AGBL5: variants seen among roughly 807,000 people sequenced by gnomAD.
AGBL5 encodes cytosolic carboxypeptidase-like protein 5.
Under a neutral mutation model 88.0 loss-of-function variants are expected in AGBL5, and 51 were observed. The observed-to-expected ratio is 0.58, with a 90% CI of 0.46 to 0.73. The LOEUF (loss-of-function observed/expected upper bound fraction) is 0.73. Among genes scored for constraint, AGBL5 ranks in the 30% least tolerant of loss-of-function variants. The pLI is 0.00. For missense variants in AGBL5, 1,031 were observed against 1,162.2 expected, an observed-to-expected ratio of 0.89 and a Z score of 1.64; for synonymous variants, 446 against 438.8, an observed-to-expected ratio of 1.02 and a Z score of -0.21.
chr2:27,058,633 G>A, intron 10 of AGBL5, 31 bp downstream of exon 10: 1 of 1,608,942 alleles, frequency 6.2e-7, no homozygotes, highest in African/African-American at 1.3e-5. Context: ...GGGAGAAAGG[G>A]TAGGACAGTG....
intron 6 of AGBL5, 100 bp downstream of exon 6, chr2:27,055,353 C>A: frequency 1.4e-6 from 2 of 1,427,678 alleles, no homozygotes; most frequent in Non-Finnish European, 1.9e-6. Context: ...TGTTCCCAGT[C>A]CTCTTGCACC....
chr2:27,069,653 C>T lies in AGBL5; in HGVS notation c.2436C>T (p.Pro812=). ...CTTCAGGCCCCACATCCCCTACCCC[C>T]CGGACCAGGGAGAGCAGTGAGCTGG... ...KGSSGPTSPT[P]RTRESSELEL... Residue 812 remains proline, a synonymous_variant, in exon 14 of 15, where the codon CCC becomes CCT. Transcript: ENST00000360131. 2.5e-6 allele frequency: 4 copies of T among 1,614,192 alleles called. No homozygotes were observed. Among genetic ancestry groups the T allele is most frequent in the Non-Finnish European group, 3.4e-6 (4 of 1,180,020 alleles).
intron 7 of AGBL5, 89 bp from the exon 8 acceptor site, chr2:27,056,534 T>G: frequency 1.7e-6 from 2 of 1,202,410 alleles, no homozygotes; most frequent in Non-Finnish European, 2.3e-6. Flanking sequence ...TGCTGTGTAT[T>G]AAGTCACATG....
chr2:27,051,031 G>A (rs1668086167), upstream of AGBL5: 1 of 152,258 alleles, frequency 6.6e-6, no homozygotes, highest in Non-Finnish European at 1.5e-5. Flanking sequence ...TGTACATGTG[G>A]TAACGTGTTT....
chr2:27,069,128 C>T lies in AGBL5; in HGVS notation c.2355+384C>T, dbSNP rs148735605. ...TTTGGTTGCTGCTGCTAGGAACAGC[C>T]CTGCCACCAACTCCGATTCAGTCCA... On this transcript the variant is annotated intron_variant, in intron 13 of 14. Coordinates refer to ENST00000360131, the MANE Select transcript of AGBL5 (RefSeq NM_021831.6). 373 of 1,338,978 alleles carry T rather than the reference C, an allele frequency of 2.8e-4. 3 individuals are homozygous for T. In the African/African-American group the frequency reaches 4.9e-3, roughly 17 times the overall value. The allele number at this position is 1,338,978 out of a possible 1,614,324, so 82.9% of individuals were successfully genotyped here.
intron 11 of AGBL5, among the ~76,000 whole-genome samples, chr2:27,066,593 G>A (rs2148301018): frequency 6.6e-6 from 1 of 152,296 alleles, no homozygotes; most frequent in South Asian, 2.1e-4. Context: ...GAAGCAATCA[G>A]TGGTAAGAGG....
At chr2:27,060,989 A>C (rs554736979) in intron 11 of AGBL5, 2 of 152,276 alleles carry the variant, frequency 1.3e-5, no homozygotes, top group East Asian at 3.9e-4. Flanking sequence ...AGCTGTTCCA[A>C]CTTGTATCTT....
At position 27,056,521 on chromosome 2, in the gene AGBL5, A is replaced by G. The variant is rs151226264; in HGVS notation, c.1366-102A>G. On this transcript the variant is annotated intron_variant, in intron 7 of 14. Transcript: ENST00000360131. ...GATTACTGTTAATGGTTGTGATGGT[A>G]TCTGCTGTGTATTAAGTCACATGGT... The G allele has an allele frequency of 2.1e-4, 209 of 1,006,174 alleles. 1 individual carries two copies. In the East Asian group the frequency reaches 4.8e-3, roughly 23 times the overall value. The allele number at this position is 1,006,174 out of a possible 1,614,324, so 62.3% of individuals were successfully genotyped here.
At chr2:27,054,912 C>T in intron 5 of AGBL5, 105 bp downstream of exon 5, 13 of 1,505,306 alleles carry the variant, frequency 8.6e-6, no homozygotes, top group Admixed American at 4.0e-5. Context: ...ACATGGCCTC[C>T]GCCCGCAGCG....
chr2:27,064,041 A>G (rs1285663683), intron 11 of AGBL5, among the ~76,000 whole-genome samples: 1 of 152,152 alleles, frequency 6.6e-6, no homozygotes, highest in Non-Finnish European at 1.5e-5. Flanking sequence ...GTGTGTGTAG[A>G]TATTTCTCAA....
chr2:27,068,997 G>A (rs1181951373), intron 13 of AGBL5: 41 of 1,446,666 alleles, frequency 2.8e-5, no homozygotes, highest in Non-Finnish European at 3.7e-5. Flanking sequence ...TAGCCTGCTA[G>A]CTTTGGCTTT....
chr2:27,069,067 C>G, intron 13 of AGBL5: 7 of 1,361,528 alleles, frequency 5.1e-6, no homozygotes, highest in Non-Finnish European at 6.8e-6. Context: ...AGGAGAGTTT[C>G]CGCCAGGAGG....
intron 8 of AGBL5, chr2:27,057,066 A>C: frequency 3.6e-6 from 2 of 556,254 alleles, no homozygotes; most frequent in East Asian, 6.1e-5. Flanking sequence ...AGTCTTCTTA[A>C]AAGAGAACCT....
At position 27,057,438 on chromosome 2, in the gene AGBL5, G is replaced by A. The variant is rs1467124678; in HGVS notation, c.1671G>A (p.Gln557=). 1 of 1,603,962 alleles carries A rather than the reference G, an allele frequency of 6.2e-7. No individual in the cohort carries two copies. The highest frequency in any genetic ancestry group is 2.2e-5 in the East Asian group (1 of 44,478). Residue 557 remains glutamine (Q), a splice_region_variant and synonymous_variant, in exon 9 of 15, where the codon CAG becomes CAA. Transcript: ENST00000360131. ...GATACACTGTGGAACTATTTGAGCA[G>A]GTATGAATACATGGTGTAAGTGGGA... ...PSRYTVELFE[Q]VGRAMAIAAL...
At chr2:27,051,239 G>T (rs1008566943), upstream of AGBL5, among the ~76,000 whole-genome samples, 1 of 152,184 alleles carries the variant, frequency 6.6e-6, no homozygotes, top group Non-Finnish European at 1.5e-5. Context: ...ATGGTAGAGC[G>T]CTCGCTTAGC....
chr2:27,053,909 A>G lies in AGBL5; in HGVS notation c.401A>G (p.Gln134Arg). Residue 134 changes from glutamine to arginine, a missense_variant, in exon 4 of 15, where the codon CAG (glutamine) becomes CGG (arginine). Around this residue, in one of 2 missense-constraint regions of AGBL5, gnomAD observed 540 missense variants for 678.2 expected, o/e 0.80. Coordinates refer to ENST00000360131, the MANE Select transcript of AGBL5 (RefSeq NM_021831.6). The surrounding 1 kb of genome is among the most constrained non-coding windows in gnomAD (Gnocchi z 4.9). ...DRPTFEMTET[Q>R]FVLSFVHRFV... Reference sequence around the variant, plus strand: ...TCTGCTCTTCAGATGACAGAGACGCAGTTTGTGTTATCCTTTGTTCATCGT... The same window carrying G: ...TCTGCTCTTCAGATGACAGAGACGCGGTTTGTGTTATCCTTTGTTCATCGT... The G allele has an allele frequency of 6.2e-7, 1 of 1,613,512 alleles. No individual in the cohort carries two copies. The highest frequency in any genetic ancestry group is 8.5e-7 in the Non-Finnish European group (1 of 1,179,600).
intron 11 of AGBL5, among the ~76,000 whole-genome samples, chr2:27,066,857 G>T (rs893642785): frequency 1.3e-5 from 2 of 152,118 alleles, no homozygotes; most frequent in African/African-American, 4.8e-5. Context: ...AGCCAAGGCG[G>T]GTGGATCAGA....
At chr2:27,065,327 T>C (rs1337103714) in intron 11 of AGBL5, among the ~76,000 whole-genome samples, 3 of 152,134 alleles carry the variant, frequency 2.0e-5, no homozygotes, top group Admixed American at 2.0e-4. Flanking sequence ...TTACCATCTG[T>C]CCCCCTGGGC....
Position 27,067,507 on chromosome 2 carries a change from G to C in AGBL5, c.2103G>C (p.Gln701His), listed in dbSNP as rs771708438. The change falls in exon 12 of 15, where the codon CAG becomes CAC. Residue 701 changes from glutamine (Q) to histidine (H), a missense_variant. Gln to His is a conservative substitution (Grantham distance 24, BLOSUM62 0). Transcript: ENST00000360131. ...TCTTCCACTCAGAGCCCCGAAGCCA[G>C]GACAGGAGACGGCAGCAGCAGCCCC... Reference protein sequence around the residue: ...VLGPVREPRSQDRRRQQQPLN... With the variant: ...VLGPVREPRSHDRRRQQQPLN... 5 of 1,613,932 alleles carry C rather than the reference G, an allele frequency of 3.1e-6. No individual in the cohort carries two copies. The highest frequency in any genetic ancestry group is 4.2e-6 in the Non-Finnish European group (5 of 1,179,980).
Sources: allele counts gnomAD v4.1 joint callset (sites outside exome capture counted in the v4.1 genomes callset), GRCh38; gene constraint gnomAD v4.1.1; regional missense constraint gnomAD v4.1.1; non-coding constraint Gnocchi (gnomAD v3.1); transcripts MANE v1.5; gene names NCBI Gene and HGNC (gene_info 2026-07-23, HGNC 2026-07-21).